The following SPNS2 variants were observed in gnomAD, a reference collection of about 807,000 sequenced individuals.
The protein encoded by SPNS2 is sphingosine-1-phosphate transporter SPNS2.
A neutral mutation model predicts 57.6 loss-of-function variants in SPNS2; 37 were observed. The ratio of observed to expected loss-of-function variants is 0.64; its 90% CI spans 0.49 to 0.85. The LOEUF (loss-of-function observed/expected upper bound fraction) is 0.85. Among genes scored for constraint, SPNS2 ranks in the 40% least tolerant of loss-of-function variants. The probability of loss-of-function intolerance (pLI) is 0.00; values close to 1 mark genes in which losing one functional copy is unlikely to be tolerated. For missense variants in SPNS2, 831 were observed against 779.1 expected, an observed-to-expected ratio of 1.07 and a Z score of -0.79; for synonymous variants, 440 against 346.9, an observed-to-expected ratio of 1.27 and a Z score of -2.98.
intron 2 of SPNS2, among the ~76,000 whole-genome samples, chr17:4,515,256 G>A (rs4790638): frequency 0.46 from 69,497 of 152,066 alleles, 17,475 homozygotes; most frequent in East Asian, 0.85. Flanking sequence ...GCATTGTCTT[G>A]TTTCATTCTT....
At chr17:4,522,828 G>A (rs1905172458) in intron 2 of SPNS2, among the ~76,000 whole-genome samples, 1 of 152,232 alleles carries the variant, frequency 6.6e-6, no homozygotes, top group Admixed American at 6.5e-5. Flanking sequence ...CATCCCACCT[G>A]GGACCTCCAA....
At chr17:4,509,694 T>C (rs927234921) in intron 1 of SPNS2, among the ~76,000 whole-genome samples, 1 of 152,204 alleles carries the variant, frequency 6.6e-6, no homozygotes, top group Non-Finnish European at 1.5e-5. Context: ...AGACAAGAGG[T>C]GAGACCTCCT....
intron 1 of SPNS2, among the ~76,000 whole-genome samples, chr17:4,500,504 G>A (rs1597356548): frequency 1.3e-5 from 2 of 152,140 alleles, no homozygotes; most frequent in African/African-American, 4.8e-5. Flanking sequence ...CCCTGCAGGA[G>A]GAGAGCAGTA....
chr17:4,522,589 C>T (rs1368160946), intron 2 of SPNS2, among the ~76,000 whole-genome samples: 1 of 152,272 alleles, frequency 6.6e-6, no homozygotes, highest in Non-Finnish European at 1.5e-5. Flanking sequence ...CTCCCTCTTT[C>T]TCTTCTCTCA....
In SPNS2 at chr17:4,536,543, T is replaced by G. The variant is rs1324963743; in HGVS notation, c.1607+117T>G. The G allele has an allele frequency of 2.4e-6, 3 of 1,267,652 alleles. No individual in the cohort carries two copies. In the Admixed American group the frequency reaches 7.4e-5, roughly 31 times the overall value. 78.5% of individuals were successfully genotyped at this position (1,267,652 alleles called of 1,614,324 possible). The stretch of plus-strand genomic sequence containing the variant: ...GGGTACAGACCTCCCATGCACTCAG[T>G]GCACCCACTGGTTGCTGGGGTCCAG... On this transcript the variant is annotated intron_variant, in intron 11 of 12. Coordinates refer to ENST00000329078, the MANE Select transcript of SPNS2 (RefSeq NM_001124758.3).
chr17:4,500,018 G>T (rs1904427457), intron 1 of SPNS2, among the ~76,000 whole-genome samples: 1 of 152,176 alleles, frequency 6.6e-6, no homozygotes, highest in African/African-American at 2.4e-5. Flanking sequence ...GGGCGGGGCG[G>T]GTCCGCGGCG....
intron 1 of SPNS2, among the ~76,000 whole-genome samples, chr17:4,502,092 A>G (rs1904529058): frequency 6.6e-6 from 1 of 152,180 alleles, no homozygotes; most frequent in Non-Finnish European, 1.5e-5. Context: ...AAAAGTTGTT[A>G]GGGCTGGGCG....
chr17:4,512,957 C>T lies in SPNS2; in HGVS notation c.371-290C>T, dbSNP rs2144321370. 6.6e-6 allele frequency among the ~76,000 whole-genome samples: 1 copy of T among 152,326 alleles called. No homozygotes were observed. Among genetic ancestry groups the T allele is most frequent in the East Asian group, 1.9e-4 (1 of 5,160 alleles). ...GCCGCAGGTAGGGAAGAGGCCCAAG[C>T]TGGCAGATAGGAGGTGTGGTTGCCC... On this transcript the variant is annotated intron_variant, in intron 1 of 12. Transcript: ENST00000329078. The surrounding 1 kb of genome is among the most constrained non-coding windows in gnomAD (Gnocchi z 5.2).
chr17:4,505,737 A>G (rs1904658229), intron 1 of SPNS2, among the ~76,000 whole-genome samples: 1 of 152,120 alleles, frequency 6.6e-6, no homozygotes, highest in African/African-American at 2.4e-5. Context: ...AGAGGAGAGG[A>G]GAGCATCGGC....
At chr17:4,509,774 T>G (rs1411006746) in intron 1 of SPNS2, among the ~76,000 whole-genome samples, 1 of 152,248 alleles carries the variant, frequency 6.6e-6, no homozygotes, top group Non-Finnish European at 1.5e-5. Flanking sequence ...ATGAGAACCC[T>G]GTGGCTAGGA....
In SPNS2 at chr17:4,511,089, G is replaced by A. The variant is rs1365224091; in HGVS notation, c.371-2158G>A. Among the ~76,000 whole-genome samples the A allele has an allele frequency of 6.6e-6, 1 of 152,210 alleles. No individual in the cohort carries two copies. The highest frequency in any genetic ancestry group is 6.5e-5 in the Admixed American group (1 of 15,290). On this transcript the variant is annotated intron_variant, in intron 1 of 12. Coordinates refer to ENST00000329078, the MANE Select transcript of SPNS2 (RefSeq NM_001124758.3). The surrounding 1 kb of genome is among the most constrained non-coding windows in gnomAD (Gnocchi z 4.6). ...CACGCAGTTCCTTGGAACTTAGCGG[G>A]AAGCGGTAACTAGCGGCTCTCAGCT... is the stretch of plus-strand genomic sequence containing the variant.
chr17:4,506,875 C>G (rs1437567535), intron 1 of SPNS2, among the ~76,000 whole-genome samples: 2 of 152,152 alleles, frequency 1.3e-5, no homozygotes, highest in African/African-American at 4.8e-5. Context: ...CAGAAATGAA[C>G]CCAGCAGGGA....
chr17:4,520,887 A>C (rs1193339997), intron 2 of SPNS2, among the ~76,000 whole-genome samples: 1 of 152,214 alleles, frequency 6.6e-6, no homozygotes, highest in Non-Finnish European at 1.5e-5. Flanking sequence ...TCAAGGCTGC[A>C]TGCTGGGCCT....
At chr17:4,502,026 A>G (rs1904526378) in intron 1 of SPNS2, among the ~76,000 whole-genome samples, 1 of 152,240 alleles carries the variant, frequency 6.6e-6, no homozygotes, top group African/African-American at 2.4e-5. Flanking sequence ...TGATTAATTC[A>G]TAATATATTT....
intron 3 of SPNS2, among the ~76,000 whole-genome samples, chr17:4,527,844 T>A (rs1277906949): frequency 6.6e-6 from 1 of 151,506 alleles, no homozygotes; most frequent in Non-Finnish European, 1.5e-5. Context: ...CAGGATATTG[T>A]AAAACTCTGT....
At chr17:4,520,871 C>CATA (rs1417855521) in intron 2 of SPNS2, among the ~76,000 whole-genome samples, 1 of 152,196 alleles carries the variant, frequency 6.6e-6, no homozygotes, top group Non-Finnish European at 1.5e-5. Flanking sequence ...ATCATCTGTG[C>CATA]ATATGTCAAG....
At chr17:4,515,700 G>C (rs892548583) in intron 2 of SPNS2, among the ~76,000 whole-genome samples, 4 of 152,236 alleles carry the variant, frequency 2.6e-5, no homozygotes, top group Non-Finnish European at 4.4e-5. Context: ...CCCCAAGCCC[G>C]ATAAGGTCGG....
chr17:4,531,118 G>A lies in SPNS2; in HGVS notation c.791G>A (p.Arg264Gln), dbSNP rs1317974550. The A allele has an allele frequency of 2.5e-6, 4 of 1,613,858 alleles. No individual in the cohort carries two copies. The highest frequency in any genetic ancestry group is 2.2e-5 in the South Asian group (2 of 91,060). ...GCCGGAGACTGGCACTGGGCATTGC[G>A]GGTAAGCCCTACGTCCCTTCCCATG... ...QAAGDWHWAL[R>Q]VSPVLGMITG... Residue 264 changes from arginine (R) to glutamine (Q), a missense_variant and splice_region_variant, in exon 5 of 13, where the codon CGG (arginine) becomes CAG (glutamine). Transcript: ENST00000329078.
chr17:4,520,508 G>A (rs961820135), intron 2 of SPNS2, among the ~76,000 whole-genome samples: 3 of 152,046 alleles, frequency 2.0e-5, no homozygotes, highest in South Asian at 2.1e-4. Context: ...TGGAGAGAGC[G>A]CGCTGTGGTT....
Sources: gnomAD v4.1 joint callset for allele counts (sites outside exome capture counted in the v4.1 genomes callset) on GRCh38, gnomAD v4.1.1 for gene constraint, Gnocchi (gnomAD v3.1) non-coding constraint, MANE v1.5 for transcripts, NCBI Gene and HGNC (gene_info 2026-07-23, HGNC 2026-07-21) for gene names.